The following STAG1 variants were observed in gnomAD, a reference collection of about 807,000 sequenced individuals.
The protein encoded by STAG1 is cohesin subunit SA-1.
Under a neutral mutation model 170.9 loss-of-function variants are expected in STAG1, and 26 were observed. The ratio of observed to expected loss-of-function variants is 0.15; its 90% CI spans 0.11 to 0.21. STAG1 has a LOEUF of 0.21. Ranked by LOEUF, STAG1 falls within the 10% of genes least tolerant of loss-of-function variation. The pLI is 1.00. For missense variants in STAG1, 964 were observed against 1,509.5 expected, an observed-to-expected ratio of 0.64 and a Z score of 5.99; for synonymous variants, 514 against 497.7, an observed-to-expected ratio of 1.03 and a Z score of -0.44.
rs1553756159 is a variant in STAG1, at chr3:136,623,255, A to G, written c.30-7T>C. On this transcript the variant is annotated splice_polypyrimidine_tract_variant and splice_region_variant and intron_variant, in intron 2 of 33. Transcript: ENST00000383202. Reference sequence around the variant, plus strand: ...AGTTTCATTAGTTGAATCCCTAGAAAATGTTATATTATTTTAGCGAACAAA... The same window carrying G: ...AGTTTCATTAGTTGAATCCCTAGAAGATGTTATATTATTTTAGCGAACAAA... 6.2e-7 allele frequency: 1 copy of G among 1,609,644 alleles called. No homozygotes were observed. The highest frequency in any genetic ancestry group is 1.1e-5 in the South Asian group (1 of 90,512).
chr3:136,441,497 G>A (rs917505203), intron 15 of STAG1, among the ~76,000 whole-genome samples: 1 of 152,196 alleles, frequency 6.6e-6, no homozygotes, highest in African/African-American at 2.4e-5. Context: ...TTAGAAAAAA[G>A]TTTTTAGTTT....
At chr3:136,636,955 G>T (rs1014342297) in intron 1 of STAG1, among the ~76,000 whole-genome samples, 1 of 152,112 alleles carries the variant, frequency 6.6e-6, no homozygotes, top group Non-Finnish European at 1.5e-5. Flanking sequence ...ATTTAGACAT[G>T]TCAATTAACA....
intron 5 of STAG1, among the ~76,000 whole-genome samples, chr3:136,549,261 T>A (rs969393581): frequency 6.6e-5 from 10 of 152,326 alleles, no homozygotes; most frequent in Middle Eastern, 3.4e-3. Flanking sequence ...TCCTGTTACT[T>A]TGCCGAATTG....
Position 136,749,336 on chromosome 3 carries a change from C to T in STAG1, c.-84+2859G>A, listed in dbSNP as rs114916924. Among the ~76,000 whole-genome samples, 971 of 152,264 alleles carry T rather than the reference C, an allele frequency of 6.4e-3. 10 individuals carry two copies. The highest frequency in any genetic ancestry group is 0.023 in the African/African-American group (942 of 41,550). On this transcript the variant is annotated intron_variant, in intron 1 of 33. Coordinates refer to ENST00000383202, the MANE Select transcript of STAG1 (RefSeq NM_005862.3). ...TAAAAGCTAACAGCCATGTTGTGAA[C>T]TATGTGGCCACACGGCAAGGATCTG...
chr3:136,656,617 TTGTGTGTGTGTGTGTG>T (rs71157397), intron 1 of STAG1, among the ~76,000 whole-genome samples: 91 of 143,392 alleles, frequency 6.3e-4, no homozygotes, highest in Admixed American at 2.4e-3. Flanking sequence ...CTGTATTTAT[TTGTGTGTGTGTGTGTG>T]TGTGTGTGTG....
intron 1 of STAG1, among the ~76,000 whole-genome samples, chr3:136,657,908 CTTG>C (rs1205853618): frequency 9.2e-5 from 14 of 152,184 alleles, no homozygotes; most frequent in Non-Finnish European, 1.6e-4. Context: ...TCCCTGTTGA[CTTG>C]TTGTACTTTT....
At chr3:136,722,023 A>T (rs2107930176) in intron 1 of STAG1, among the ~76,000 whole-genome samples, 1 of 152,218 alleles carries the variant, frequency 6.6e-6, no homozygotes, top group African/African-American at 2.4e-5. Flanking sequence ...CAAGTTTGAG[A>T]CCAGCCAAGG....
intron 6 of STAG1, among the ~76,000 whole-genome samples, chr3:136,526,945 T>C (rs968788366): frequency 1.3e-5 from 2 of 152,214 alleles, no homozygotes; most frequent in African/African-American, 4.8e-5. Context: ...GCTTGTACAG[T>C]TTCTGCTGAG....
chr3:136,522,632 C>A (rs2107908451), intron 6 of STAG1, among the ~76,000 whole-genome samples: 1 of 152,214 alleles, frequency 6.6e-6, no homozygotes, highest in East Asian at 1.9e-4. Flanking sequence ...AGGTTTGTTA[C>A]ATATGTATAC....
At chr3:136,660,070 C>T (rs187129475) in intron 1 of STAG1, among the ~76,000 whole-genome samples, 21 of 152,222 alleles carry the variant, frequency 1.4e-4, no homozygotes, top group Admixed American at 1.3e-3. Context: ...GCAGCATGTG[C>T]GTGTGCGCAT....
intron 9 of STAG1, among the ~76,000 whole-genome samples, chr3:136,493,285 G>C (rs911450979): frequency 2.0e-5 from 3 of 152,138 alleles, no homozygotes; most frequent in Admixed American, 6.5e-5. Context: ...TGAGGCTGAA[G>C]TGAGCTGTGA....
chr3:136,467,599 A>C (rs2089503135), intron 12 of STAG1, among the ~76,000 whole-genome samples: 1 of 152,176 alleles, frequency 6.6e-6, no homozygotes, highest in South Asian at 2.1e-4. Flanking sequence ...AGACAGATCG[A>C]TGAGACAGAA....
chr3:136,697,164 T>A (rs1942918348), intron 1 of STAG1, among the ~76,000 whole-genome samples: 1 of 152,232 alleles, frequency 6.6e-6, no homozygotes, highest in Non-Finnish European at 1.5e-5. Flanking sequence ...CCTTTCCACT[T>A]TATAAATTAA....
At chr3:136,634,857 T>C (rs1023088158) in intron 1 of STAG1, among the ~76,000 whole-genome samples, 3 of 151,930 alleles carry the variant, frequency 2.0e-5, no homozygotes, top group Non-Finnish European at 4.4e-5. Context: ...GGCAAAAGAA[T>C]ACGGTAAACA....
chr3:136,399,087 G>C (rs983853442), intron 21 of STAG1, among the ~76,000 whole-genome samples: 1 of 152,128 alleles, frequency 6.6e-6, no homozygotes, highest in Non-Finnish European at 1.5e-5. Context: ...CAAAAATGTA[G>C]TGTCATGAAT....
At chr3:136,495,048 T>TA (rs763780021) in intron 9 of STAG1, among the ~76,000 whole-genome samples, 75 of 152,316 alleles carry the variant, frequency 4.9e-4, no homozygotes, top group Middle Eastern at 3.4e-3. Context: ...TAAGACAACT[T>TA]ACACTACCTA....
Position 136,597,317 on chromosome 3 carries a change from G to A in STAG1, c.297+6992C>T, listed in dbSNP as rs561807609. Among the ~76,000 whole-genome samples the A allele has an allele frequency of 2.6e-5, 4 of 152,192 alleles. No homozygotes were observed. The East Asian group carries it at 7.7e-4, about 29-fold the overall frequency. The stretch of plus-strand genomic sequence containing the variant: ...AAAGAAAAGAAAGAAGGGAAAAAGT[G>A]GTTTCCACAGTGTAAACACTCATTA... On this transcript the variant is annotated intron_variant, in intron 4 of 33. Transcript: ENST00000383202.
intron 1 of STAG1, among the ~76,000 whole-genome samples, chr3:136,736,254 G>A (rs1934326408): frequency 1.3e-5 from 2 of 152,284 alleles, no homozygotes; most frequent in East Asian, 1.9e-4. Flanking sequence ...CACCAATGGC[G>A]GCACCTTCTA....
Position 136,716,094 on chromosome 3 carries a change from T to C in STAG1, c.-84+36101A>G, listed in dbSNP as rs533055108. 3.3e-4 allele frequency among the ~76,000 whole-genome samples: 50 copies of C among 151,820 alleles called. 1 individual carries two copies. Among genetic ancestry groups the C allele is most frequent in the Non-Finnish European group, 5.4e-4 (37 of 67,958 alleles). On this transcript the variant is annotated intron_variant, in intron 1 of 33. Transcript: ENST00000383202. Reference sequence around the variant, plus strand: ...GTGTGGGCGACACAGAGAGACTTCATCTCAAAAAATAATAATAAAAATTAA... The same window carrying C: ...GTGTGGGCGACACAGAGAGACTTCACCTCAAAAAATAATAATAAAAATTAA...
Sources: gnomAD v4.1 joint callset for allele counts (sites outside exome capture counted in the v4.1 genomes callset) on GRCh38, gnomAD v4.1.1 for gene constraint, MANE v1.5 for transcripts, NCBI Gene and HGNC (gene_info 2026-07-23, HGNC 2026-07-21) for gene names.